RIPK2: variants seen among roughly 807,000 people sequenced by gnomAD.
RIPK2 encodes the protein receptor-interacting serine/threonine-protein kinase 2.
A neutral mutation model predicts 60.9 loss-of-function variants in RIPK2; 38 were observed. The observed-to-expected ratio is 0.62, with a 90% CI of 0.48 to 0.82. RIPK2 has a LOEUF of 0.82. Among genes scored for constraint, RIPK2 ranks in the 40% least tolerant of loss-of-function variants. RIPK2 has a pLI of 0.00. For missense variants in RIPK2, 518 were observed against 647.0 expected (o/e 0.80, Z 2.16); for synonymous variants, 225 against 223.4 (o/e 1.01, Z -0.06).
At chr8:89,789,233 A>G in intron 9 of RIPK2, 88 bp from the exon 10 acceptor site, 3 of 1,123,062 alleles carry the variant, frequency 2.7e-6, no homozygotes, top group Non-Finnish European at 3.9e-6. Flanking sequence ...ATTGGAGCCT[A>G]CCTTCTGTCT....
rs182078627 is a variant in RIPK2, at chr8:89,760,604, T to C, written c.174-2225T>C. On this transcript the variant is annotated intron_variant, in intron 1 of 10. Transcript: ENST00000220751. ...AATAGGGTAGAAAGAATGCAGGCTT[T>C]AATGTCCCATGATTGCAATTCAAAT... 5.4e-3 allele frequency among the ~76,000 whole-genome samples: 816 copies of C among 152,332 alleles called. 6 individuals are homozygous for C. The highest frequency in any genetic ancestry group is 0.018 in the African/African-American group (768 of 41,564).
intron 1 of RIPK2, among the ~76,000 whole-genome samples, chr8:89,758,553 T>A (rs1243284163): frequency 4.6e-5 from 7 of 152,210 alleles, no homozygotes; most frequent in Non-Finnish European, 1.0e-4. Flanking sequence ...TGCCTAACTC[T>A]AAACGCTGGG....
At chr8:89,786,771 A>G (rs11995005) in intron 9 of RIPK2, 85 bp downstream of exon 9, 42,712 of 792,272 alleles carry the variant, frequency 0.054, 2,224 homozygotes, top group East Asian at 0.22. Flanking sequence ...CATGATTTCT[A>G]TGGAACTTTA....
In RIPK2 at chr8:89,782,101, C is replaced by T. The variant is rs563612191; in HGVS notation, c.939+1941C>T. ...CCCAGGAGGTAGAGGCTATAGTGAG[C>T]TGGCACTCCAGCCAGGGTGACAGAG... is the stretch of plus-strand genomic sequence containing the variant. On this transcript the variant is annotated intron_variant, in intron 7 of 10. Coordinates refer to ENST00000220751, the MANE Select transcript of RIPK2 (RefSeq NM_003821.6). Among the ~76,000 whole-genome samples, 6 of 152,126 alleles carry T rather than the reference C, an allele frequency of 3.9e-5. No individual in the cohort carries two copies. The South Asian group carries it at 1.2e-3, about 32-fold the overall frequency.
chr8:89,776,698 A>G (rs1017773890), intron 6 of RIPK2, among the ~76,000 whole-genome samples: 3 of 152,214 alleles, frequency 2.0e-5, no homozygotes, highest in Admixed American at 6.5e-5. Flanking sequence ...CTTATCTATG[A>G]GAACAGAATA....
chr8:89,764,234 A>T (rs1470118256), intron 2 of RIPK2, among the ~76,000 whole-genome samples: 1 of 152,164 alleles, frequency 6.6e-6, no homozygotes, highest in Non-Finnish European at 1.5e-5. Flanking sequence ...TGCCAGAGAA[A>T]GTAATGTTCC....
Position 89,769,855 on chromosome 8 carries a change from AATTATCT to A in RIPK2, c.570_576del (p.Ile191CysfsTer46), listed in dbSNP as rs1292916621. On this transcript the variant is annotated frameshift_variant, in exon 4 of 11. Coordinates refer to ENST00000220751, the MANE Select transcript of RIPK2 (RefSeq NM_003821.6). LOFTEE classifies it high-confidence loss of function. Reference sequence around the variant, plus strand: ...GCAAATCTGCACCAGAAGGAGGGACAATTATCTATATGCCACCTGAAAACTATGAACC... The same window carrying A: ...GCAAATCTGCACCAGAAGGAGGGACAATATGCCACCTGAAAACTATGAACC... 12 of 1,609,178 alleles carry A rather than the reference AATTATCT, an allele frequency of 7.5e-6. No homozygotes were observed. In the Admixed American group the frequency reaches 1.7e-4, roughly 23 times the overall value.
rs200931262 is a variant in RIPK2, at chr8:89,758,027, G to C, written c.-34G>C. 3.9e-6 allele frequency: 6 copies of C among 1,532,066 alleles called. No homozygotes were observed. Among genetic ancestry groups the C allele is most frequent in the Non-Finnish European group, 5.3e-6 (6 of 1,136,154 alleles). 94.9% of individuals were successfully genotyped at this position (1,532,066 alleles called of 1,614,324 possible). On this transcript the variant is annotated 5_prime_UTR_variant, in exon 1 of 11. Transcript: ENST00000220751. ...AGCCTTGGGAGCCGCCGCAGCAGGG[G>C]GCACACCCGGAACCGGCCTGAGCGC...
intron 9 of RIPK2, among the ~76,000 whole-genome samples, chr8:89,787,616 TG>T (rs1298631812): frequency 1.1e-4 from 17 of 152,158 alleles, no homozygotes; most frequent in African/African-American, 4.1e-4. Flanking sequence ...GTAAAGAAGG[TG>T]AATGAAAGAA....
intron 1 of RIPK2, among the ~76,000 whole-genome samples, chr8:89,760,540 T>C (rs188602788): frequency 3.8e-4 from 58 of 152,342 alleles, no homozygotes; most frequent in Admixed American, 3.8e-3. Flanking sequence ...GCCAAAAATC[T>C]ACCTTCAAGA....
intron 7 of RIPK2, among the ~76,000 whole-genome samples, chr8:89,781,986 TAACAA>T (rs1014795467): frequency 1.2e-4 from 19 of 152,144 alleles, no homozygotes; most frequent in Non-Finnish European, 1.8e-4. Context: ...CAAAAAAACA[TAACAA>T]AACAAAACAA....
rs1393062485 is a variant in RIPK2, at chr8:89,789,496, G to A, written c.1285+14G>A. On this transcript the variant is annotated intron_variant, in intron 10 of 10. Transcript: ENST00000220751. ...CAGGAAACTCAGGTAAATATTTACTGTGAAACACCTTGTAAGTGATGCCAT... is the reference window on the plus strand; with the variant it reads ...CAGGAAACTCAGGTAAATATTTACTATGAAACACCTTGTAAGTGATGCCAT... The A allele has an allele frequency of 6.2e-7, 1 of 1,609,714 alleles. No homozygotes were observed.
intron 7 of RIPK2, chr8:89,780,515 T>TTA (rs529489329): frequency 0.058 from 8,355 of 143,150 alleles, 714 homozygotes; most frequent in African/African-American, 0.19. Flanking sequence ...ATTTAAAACG[T>TTA]AAAAAAAAAA....
chr8:89,772,049 G>A (rs975596231), intron 5 of RIPK2, among the ~76,000 whole-genome samples: 1 of 151,992 alleles, frequency 6.6e-6, no homozygotes, highest in African/African-American at 2.4e-5. Flanking sequence ...TGTTCTGACA[G>A]TAATTAGCTC....
chr8:89,775,422 A>G (rs977638333), intron 6 of RIPK2, among the ~76,000 whole-genome samples: 2 of 152,038 alleles, frequency 1.3e-5, no homozygotes, highest in South Asian at 4.1e-4. Flanking sequence ...CTGCACTTGC[A>G]CTCCAGCCTA....
At chr8:89,785,504 C>T (rs1361782149) in intron 8 of RIPK2, among the ~76,000 whole-genome samples, 1 of 152,034 alleles carries the variant, frequency 6.6e-6, no homozygotes, top group Non-Finnish European at 1.5e-5. Context: ...AAGTTACCTT[C>T]AGGCTGTGTG....
Position 89,757,816 on chromosome 8 carries a change from C to T in RIPK2, c.-245C>T, listed in dbSNP as rs576717338. On this transcript the variant is annotated 5_prime_UTR_variant, in exon 1 of 11. Transcript: ENST00000220751. ...GGCCGGGGCTGCGAGAGAGGAAGCT[C>T]TTTCGCGGCGCTACGGCGTTGGCAC... 5 of 1,250,192 alleles carry T rather than the reference C, an allele frequency of 4.0e-6. No individual in the cohort carries two copies. The African/African-American group carries it at 7.8e-5, about 19-fold the overall frequency. 77.4% of individuals were successfully genotyped at this position (1,250,192 alleles called of 1,614,324 possible).
At position 89,765,421 on chromosome 8, in the gene RIPK2, C is replaced by G; in HGVS notation, c.408C>G (p.His136Gln). The G allele has an allele frequency of 6.2e-7, 1 of 1,600,240 alleles. No individual in the cohort carries two copies. Among genetic ancestry groups the G allele is most frequent in the Non-Finnish European group, 8.6e-7 (1 of 1,168,118 alleles). ...HEIALGVNYLHNMTPPLLHHD... is the reference protein window; with the variant it reads ...HEIALGVNYLQNMTPPLLHHD... ...TTGCCCTTGGTGTAAATTACCTGCA[C>G]AATATGACTCCTCCTTTACTTCATC... Residue 136 changes from histidine to glutamine, a missense_variant, in exon 3 of 11, where the codon CAC becomes CAG. This residue lies in a region of RIPK2 where 448 missense variants were observed against 534.7 expected (regional missense o/e 0.84). Transcript: ENST00000220751.
chr8:89,771,844 C>T, intron 5 of RIPK2, 54 bp downstream of exon 5: 1 of 1,063,282 alleles, frequency 9.4e-7, no homozygotes. Context: ...GTAGGTCACT[C>T]TCAGAACTAT....
Sources: gnomAD v4.1 joint callset for allele counts (sites outside exome capture counted in the v4.1 genomes callset) on GRCh38, gnomAD v4.1.1 for gene constraint, gnomAD v4.1.1 regional missense constraint, MANE v1.5 for transcripts, NCBI Gene and HGNC (gene_info 2026-07-23, HGNC 2026-07-21) for gene names.